Variants in RNF7 observed in about 807,000 individuals in gnomAD.
RNF7 encodes ring finger protein 7, also known as RING-box protein 2.
A neutral mutation model predicts 17.0 loss-of-function variants in RNF7; 9 were observed. That is an observed-to-expected ratio of 0.53 (90% CI 0.32 to 0.92). The LOEUF is 0.92. RNF7 is among the 40% of genes least tolerant of loss of function. The pLI is 0.04. For synonymous variants in RNF7, 59 were observed against 50.5 expected (o/e 1.17, Z -0.72); for missense variants, 87 against 145.8 (o/e 0.60, Z 2.08).
rs1036674960 is a variant in RNF7 at position 141,747,303 on chromosome 3, A to C, written c.*2026A>C. ...ACATGCCGGGACAATTTTGGGTTCC[A>C]ATACAAAAGTTAAGCATCAAACAGG... is the stretch of plus-strand genomic sequence containing the variant. On this transcript the variant is annotated 3_prime_UTR_variant, in exon 3 of 3. Transcript: ENST00000273480. 6.6e-6 allele frequency: 1 copy of C among 152,276 alleles called. No homozygotes were observed. Among genetic ancestry groups the C allele is most frequent in the Non-Finnish European group, 1.5e-5 (1 of 68,050 alleles). 9.4% of individuals were successfully genotyped at this position (152,276 alleles called of 1,614,324 possible).
intron 1 of RNF7, 44 bp from the exon 2 acceptor site, chr3:141,743,465 C>T (rs773689545): frequency 1.3e-6 from 2 of 1,527,518 alleles, no homozygotes; most frequent in East Asian, 2.3e-5. Flanking sequence ...TTAAAAATTG[C>T]ATTCTGAGCA....
chr3:141,739,660 C>A (rs1237491955), intron 1 of RNF7, among the ~76,000 whole-genome samples: 1 of 152,136 alleles, frequency 6.6e-6, no homozygotes, highest in East Asian at 1.9e-4. Flanking sequence ...ATACCAGAAT[C>A]AAGAGATTTC....
intron 2 of RNF7, among the ~76,000 whole-genome samples, chr3:141,744,206 A>G (rs2084448799): frequency 6.6e-6 from 1 of 152,204 alleles, no homozygotes; most frequent in South Asian, 2.1e-4. Flanking sequence ...ACACAAATAC[A>G]TGGTGTACAT....
chr3:141,741,330 T>C (rs1348113485), intron 1 of RNF7, among the ~76,000 whole-genome samples: 1 of 152,182 alleles, frequency 6.6e-6, no homozygotes, highest in Non-Finnish European at 1.5e-5. Context: ...GTGTCCCCAG[T>C]GCATAACTCC....
In RNF7 at chr3:141,742,102, C is replaced by T. The variant is rs976747990; in HGVS notation, c.176-1407C>T. Among the ~76,000 whole-genome samples, 20 of 151,818 alleles carry T rather than the reference C, an allele frequency of 1.3e-4. 1 individual carries two copies. Among genetic ancestry groups the T allele is most frequent in the Admixed American group, 1.2e-3 (18 of 15,226 alleles). ...ATTATTTCATCACCCAGGTATTGAG[C>T]CTAGTACCCATTAGTTATTTTTCCT... is the stretch of plus-strand genomic sequence containing the variant. On this transcript the variant is annotated intron_variant, in intron 1 of 2. Transcript: ENST00000273480.
intron 1 of RNF7, 87 bp downstream of exon 1, chr3:141,738,603 C>T (rs1577896765): frequency 7.3e-7 from 1 of 1,373,742 alleles, no homozygotes; most frequent in East Asian, 2.6e-5. Flanking sequence ...CCGTCAGAAG[C>T]CTCGGAAAGT....
In RNF7 at chr3:141,746,698, A is replaced by C. The variant is rs1366269871; in HGVS notation, c.*1421A>C. 6.6e-6 allele frequency: 1 copy of C among 152,232 alleles called. No homozygotes were observed. Among genetic ancestry groups the C allele is most frequent in the Non-Finnish European group, 1.5e-5 (1 of 68,036 alleles). The allele number at this position is 152,232 out of a possible 1,614,324, so 9.4% of individuals were successfully genotyped here. On this transcript the variant is annotated 3_prime_UTR_variant, in exon 3 of 3. Transcript: ENST00000273480. ...TAGAATCTTAACTTTTCACATCTGC[A>C]GATGCAGTGTGCCATTCTGAATTTT...
intron 1 of RNF7, among the ~76,000 whole-genome samples, chr3:141,740,168 C>CT (rs543733202): frequency 0.027 from 3,802 of 140,102 alleles, 84 homozygotes; most frequent in East Asian, 0.11. Flanking sequence ...CCAGGAGACT[C>CT]TTTTTTTTTT....
intron 1 of RNF7, chr3:141,742,631 C>T: frequency 8.5e-7 from 1 of 1,172,310 alleles, no homozygotes; most frequent in Non-Finnish European, 1.1e-6. Flanking sequence ...ACAGTATTGT[C>T]CCTTTTTTAC....
intron 1 of RNF7, among the ~76,000 whole-genome samples, chr3:141,738,772 G>C (rs1031208596): frequency 1.3e-5 from 2 of 152,276 alleles, no homozygotes; most frequent in African/African-American, 4.8e-5. Context: ...TCTAGGGAGA[G>C]AGACGGGCAA....
At chr3:141,742,773 C>T (rs951133004) in intron 1 of RNF7, 2 of 1,276,688 alleles carry the variant, frequency 1.6e-6, no homozygotes, top group African/African-American at 3.1e-5. Context: ...TCTCACCAGC[C>T]TTGTCTGGAT....
At chr3:141,738,713 T>C (rs2084384605) in intron 1 of RNF7, among the ~76,000 whole-genome samples, 197 bp downstream of exon 1, 1 of 152,164 alleles carries the variant, frequency 6.6e-6, no homozygotes, top group African/African-American at 2.4e-5. Flanking sequence ...GGCCGCCGCC[T>C]GGGGCTGCGG....
intron 1 of RNF7, among the ~76,000 whole-genome samples, chr3:141,741,732 T>C (rs1199490527): frequency 2.6e-5 from 4 of 152,086 alleles, no homozygotes; most frequent in Non-Finnish European, 4.4e-5. Context: ...GCCTTTAGGA[T>C]CTCATTTTTA....
intron 1 of RNF7, among the ~76,000 whole-genome samples, chr3:141,739,916 C>T (rs951979135): frequency 1.3e-5 from 2 of 151,984 alleles, no homozygotes; most frequent in Non-Finnish European, 2.9e-5. Context: ...TCCAGCTACT[C>T]TGGAGGCTGA....
intron 1 of RNF7, chr3:141,742,971 G>T: frequency 1.1e-6 from 1 of 913,922 alleles, no homozygotes; most frequent in Non-Finnish European, 1.3e-6. Context: ...TTTTTTATAA[G>T]TTATATATTC....
In RNF7 at chr3:141,742,624, G is replaced by A. The variant is rs564075863; in HGVS notation, c.176-885G>A. On this transcript the variant is annotated intron_variant, in intron 1 of 2. Coordinates refer to ENST00000273480, the MANE Select transcript of RNF7 (RefSeq NM_014245.5). ...CCACTTAATATATAAATACCTCACA[G>A]TATTGTCCCTTTTTTACAGATGAGG... 329 of 1,179,762 alleles carry A rather than the reference G, an allele frequency of 2.8e-4. 1 individual carries two copies. The African/African-American group carries it at 4.2e-3, about 15-fold the overall frequency. 73.1% of individuals were successfully genotyped at this position (1,179,762 alleles called of 1,614,324 possible).
chr3:141,747,435 T>C lies in RNF7; in HGVS notation c.*2158T>C, dbSNP rs1262345164. The C allele has an allele frequency of 6.6e-6, 1 of 152,238 alleles. No homozygotes were observed. Among genetic ancestry groups the C allele is most frequent in the Non-Finnish European group, 1.5e-5 (1 of 68,042 alleles). The allele number at this position is 152,238 out of a possible 1,614,324, so 9.4% of individuals were successfully genotyped here. On this transcript the variant is annotated 3_prime_UTR_variant, in exon 3 of 3. Transcript: ENST00000273480. ...TTTTCCCTCTATGCAAATTGTGTTA[T>C]TACAGCTGACCGCTATCAGTAAATC... is the stretch of plus-strand genomic sequence containing the variant.
rs1054638458 is a variant in RNF7 at position 141,746,477 on chromosome 3, A to G, written c.*1200A>G. 25 of 152,248 alleles carry G rather than the reference A, an allele frequency of 1.6e-4. No individual in the cohort carries two copies. Among genetic ancestry groups the G allele is most frequent in the African/African-American group, 6.0e-4 (25 of 41,460 alleles). The allele number at this position is 152,248 out of a possible 1,614,324, so 9.4% of individuals were successfully genotyped here. A position where few individuals can be genotyped will look rare whatever the true frequency, so the allele number is the denominator to read the frequency against. On this transcript the variant is annotated 3_prime_UTR_variant, in exon 3 of 3. Coordinates refer to ENST00000273480, the MANE Select transcript of RNF7 (RefSeq NM_014245.5). Reference sequence around the variant, plus strand: ...ACTTTCATTTAATTTGAAAGAATTCATATTCATTTGCTCTTTCATTTGACA... The same window carrying G: ...ACTTTCATTTAATTTGAAAGAATTCGTATTCATTTGCTCTTTCATTTGACA...
At chr3:141,743,266 A>G (rs2084439790) in intron 1 of RNF7, among the ~76,000 whole-genome samples, 1 of 152,196 alleles carries the variant, frequency 6.6e-6, no homozygotes. Flanking sequence ...CCGTCAGGAC[A>G]TCTTTTCATC....
Sources: gnomAD v4.1 joint callset for allele counts (sites outside exome capture counted in the v4.1 genomes callset) on GRCh38, gnomAD v4.1.1 for gene constraint, MANE v1.5 for transcripts, NCBI Gene and HGNC (gene_info 2026-07-23, HGNC 2026-07-21) for gene names.